GOLGA4: variants seen among roughly 807,000 people sequenced by gnomAD.
The protein encoded by GOLGA4 is golgin subfamily A member 4.
Under a neutral mutation model 265.9 loss-of-function variants are expected in GOLGA4, and 169 were observed. That is an observed-to-expected ratio of 0.64 (90% CI 0.56 to 0.72). GOLGA4 has a LOEUF of 0.72. Ranked by LOEUF, GOLGA4 falls within the 30% of genes least tolerant of loss-of-function variation. The pLI, the probability that GOLGA4 is intolerant of heterozygous loss-of-function variation, is 0.00. For synonymous variants in GOLGA4, 923 were observed against 855.8 expected, an observed-to-expected ratio of 1.08 and a Z score of -1.37; for missense variants, 2,482 against 2,483.4, an observed-to-expected ratio of 1.00 and a Z score of 0.01.
At position 37,321,185 on chromosome 3, in the gene GOLGA4, A is replaced by G. The variant is rs534999685; in HGVS notation, c.1546-546A>G. ...AACACTTTAAATTGAATATTGATACATGAAAGGACAATCAGAGAAGCTTTT... is the reference window on the plus strand; with the variant it reads ...AACACTTTAAATTGAATATTGATACGTGAAAGGACAATCAGAGAAGCTTTT... On this transcript the variant is annotated intron_variant, in intron 12 of 23. Coordinates refer to ENST00000361924, the MANE Select transcript of GOLGA4 (RefSeq NM_002078.5). 4.6e-5 allele frequency among the ~76,000 whole-genome samples: 7 copies of G among 152,330 alleles called. 1 individual carries two copies. In the South Asian group the frequency reaches 1.0e-3, roughly 23 times the overall value.
intron 20 of GOLGA4, among the ~76,000 whole-genome samples, chr3:37,344,492 C>CTTTT (rs56761489): frequency 2.5e-5 from 3 of 118,198 alleles, no homozygotes; most frequent in Non-Finnish European, 3.5e-5. Flanking sequence ...ACCTCACTGT[C>CTTTT]TTTTTTTTTT....
Position 37,326,613 on chromosome 3 carries a change from A to T in GOLGA4, c.4727A>T (p.Lys1576Met). ...LQHFQELGEE[K>M]DNRVKEAEEK... ...CATTTTCAAGAGTTAGGAGAAGAAA[A>T]GGACAACAGGGTTAAAGAAGCTGAA... The change falls in exon 14 of 24, where the codon AAG becomes ATG. Residue 1576 changes from lysine to methionine, a missense_variant. Coordinates refer to ENST00000361924, the MANE Select transcript of GOLGA4 (RefSeq NM_002078.5). 1.9e-6 allele frequency: 3 copies of T among 1,613,290 alleles called. No homozygotes were observed. Among genetic ancestry groups the T allele is most frequent in the Non-Finnish European group, 2.5e-6 (3 of 1,179,586 alleles).
intron 21 of GOLGA4, among the ~76,000 whole-genome samples, chr3:37,351,448 C>T (rs1299784806): frequency 6.6e-6 from 1 of 152,158 alleles, no homozygotes; most frequent in Admixed American, 6.6e-5. Context: ...TGATCTCTTC[C>T]CATGAATTAC....
rs1018854956 is a variant in GOLGA4, at chr3:37,254,119, T to C, written c.162+2635T>C. Among the ~76,000 whole-genome samples the C allele has an allele frequency of 3.9e-5, 6 of 152,214 alleles. No individual in the cohort carries two copies. The East Asian group carries it at 1.2e-3, about 29-fold the overall frequency. ...TATACTATAATGTCAATCAATATAC[T>C]GAGTATAGAAATGATGCCATTAATA... On this transcript the variant is annotated intron_variant, in intron 2 of 23. Transcript: ENST00000361924.
chr3:37,329,366 G>A (rs2096982834), intron 16 of GOLGA4: 1 of 206,652 alleles, frequency 4.8e-6, no homozygotes, highest in African/African-American at 2.3e-5. Context: ...AGGAAGAATA[G>A]ATTCTTTCCC....
intron 20 of GOLGA4, among the ~76,000 whole-genome samples, chr3:37,344,779 A>G (rs1378982064): frequency 6.6e-6 from 1 of 152,200 alleles, no homozygotes; most frequent in Non-Finnish European, 1.5e-5. Flanking sequence ...TACTTAATGC[A>G]TACATACACA....
Position 37,281,960 on chromosome 3 carries a change from A to G in GOLGA4, c.165A>G (p.Ser55=). ...ATTCTGTTGGGTTTTGGTTGCAGTC[A>G]GGTGACACACAGTCTTTTGCACAGA... ...QLDEGTPNRE[S]GDTQSFAQKL... Residue 55 remains serine, a splice_region_variant and synonymous_variant, in exon 3 of 24, where the codon TCA becomes TCG. Coordinates refer to ENST00000361924, the MANE Select transcript of GOLGA4 (RefSeq NM_002078.5). 5 of 1,605,842 alleles carry G rather than the reference A, an allele frequency of 3.1e-6. No individual in the cohort carries two copies. The highest frequency in any genetic ancestry group is 4.3e-6 in the Non-Finnish European group (5 of 1,174,326).
chr3:37,316,029 T>A (rs968226996), intron 11 of GOLGA4, among the ~76,000 whole-genome samples: 1 of 152,212 alleles, frequency 6.6e-6, no homozygotes, highest in Non-Finnish European at 1.5e-5. Flanking sequence ...ATGTTCTGAT[T>A]ACTCTTAATA....
intron 2 of GOLGA4, among the ~76,000 whole-genome samples, chr3:37,264,992 C>A (rs2096779784): frequency 6.6e-6 from 1 of 152,088 alleles, no homozygotes; most frequent in Non-Finnish European, 1.5e-5. Flanking sequence ...ATACCCATCA[C>A]CCATTTCTCC....
At chr3:37,245,482 C>T (rs527883517) in intron 1 of GOLGA4, 25 of 152,276 alleles carry the variant, frequency 1.6e-4, no homozygotes, top group African/African-American at 5.8e-4. Flanking sequence ...TATATACACA[C>T]ATAGTAAAAC....
chr3:37,363,017 C>A (rs1244501202), intron 23 of GOLGA4, among the ~76,000 whole-genome samples: 12 of 152,000 alleles, frequency 7.9e-5, no homozygotes, highest in African/African-American at 2.7e-4. Flanking sequence ...CTCCTGACCT[C>A]ATGATCTGCC....
Position 37,366,384 on chromosome 3 carries a change from T to G in GOLGA4, c.*338T>G. On this transcript the variant is annotated 3_prime_UTR_variant, in exon 24 of 24. Coordinates refer to ENST00000361924, the MANE Select transcript of GOLGA4 (RefSeq NM_002078.5). ...TACATAATATTCCTTTCATCCATTC[T>G]TTTTAAAGAACGGCTTACCTTTCCT... 1 of 355,016 alleles carries G rather than the reference T, an allele frequency of 2.8e-6. No homozygotes were observed. 22.0% of individuals were successfully genotyped at this position (355,016 alleles called of 1,614,324 possible). A position where few individuals can be genotyped will look rare whatever the true frequency, so the allele number is the denominator to read the frequency against.
At chr3:37,272,237 G>A (rs1019937757) in intron 2 of GOLGA4, among the ~76,000 whole-genome samples, 2 of 152,182 alleles carry the variant, frequency 1.3e-5, no homozygotes, top group African/African-American at 2.4e-5. Context: ...GTGCCAAAAA[G>A]GTTGGAGACC....
intron 2 of GOLGA4, chr3:37,266,954 C>G: frequency 8.5e-7 from 1 of 1,170,004 alleles, no homozygotes; most frequent in Non-Finnish European, 1.1e-6. Context: ...AGTCCTTCCA[C>G]CGCTTTCTGC....
At chr3:37,315,649 T>G in intron 11 of GOLGA4, 51 bp downstream of exon 11, 2 of 1,445,738 alleles carry the variant, frequency 1.4e-6, no homozygotes, top group Non-Finnish European at 1.9e-6. Context: ...GAAATTTAAG[T>G]GTATTTTTCC....
chr3:37,347,189 G>A lies in GOLGA4; in HGVS notation c.6473-4G>A. 6.3e-7 allele frequency: 1 copy of A among 1,577,630 alleles called. No individual in the cohort carries two copies. The highest frequency in any genetic ancestry group is 8.7e-7 in the Non-Finnish European group (1 of 1,149,986). ...ACAGTTTGATCTATTTTTTTATTTG[G>A]CAGGTGGCAATTTGTACCATACGGA... On this transcript the variant is annotated splice_polypyrimidine_tract_variant and splice_region_variant and intron_variant, in intron 20 of 23. Coordinates refer to ENST00000361924, the MANE Select transcript of GOLGA4 (RefSeq NM_002078.5).
intron 20 of GOLGA4, among the ~76,000 whole-genome samples, chr3:37,344,032 A>G (rs2097047858): frequency 6.6e-6 from 1 of 152,218 alleles, no homozygotes; most frequent in Non-Finnish European, 1.5e-5. Flanking sequence ...ACTTTTCCAC[A>G]TTATCTATAT....
chr3:37,324,190 G>T lies in GOLGA4; in HGVS notation c.2304G>T (p.Arg768Ser), dbSNP rs1236043935. Residue 768 changes from arginine to serine, a missense_variant, in exon 14 of 24, where the codon AGG (arginine) becomes AGT (serine). Arg to Ser is a moderately radical substitution (Grantham distance 110). This residue lies in a region of GOLGA4 where 1,536 missense variants were observed against 1,483.7 expected (regional missense o/e 1.04). Coordinates refer to ENST00000361924, the MANE Select transcript of GOLGA4 (RefSeq NM_002078.5). ...AACTTGAGCTTCTCTTGAAGGAAAG[G>T]GACAAGCATTTGAAAGAGCATCAGG... ...INQLELLLKE[R>S]DKHLKEHQAH... The T allele has an allele frequency of 6.2e-7, 1 of 1,614,122 alleles. No homozygotes were observed. The highest frequency in any genetic ancestry group is 1.7e-5 in the Admixed American group (1 of 60,004).
intron 20 of GOLGA4, among the ~76,000 whole-genome samples, chr3:37,343,477 A>G (rs528571588): frequency 5.3e-4 from 80 of 151,922 alleles, no homozygotes; most frequent in South Asian, 1.5e-3. Flanking sequence ...CGGCCTCCCA[A>G]AGTGCTGGGA....
Sources: gnomAD v4.1 joint callset for allele counts (sites outside exome capture counted in the v4.1 genomes callset) on GRCh38, gnomAD v4.1.1 for gene constraint, gnomAD v4.1.1 regional missense constraint, MANE v1.5 for transcripts, NCBI Gene and HGNC (gene_info 2026-07-23, HGNC 2026-07-21) for gene names.